The following NUP210L variants were observed in gnomAD, a reference collection of about 807,000 sequenced individuals.
The protein encoded by NUP210L is nucleoporin 210 like.
A neutral mutation model predicts 208.5 loss-of-function variants in NUP210L; 74 were observed. The observed-to-expected ratio is 0.35, with a 90% CI of 0.29 to 0.43. The LOEUF (loss-of-function observed/expected upper bound fraction) is 0.43. Ranked by LOEUF, NUP210L falls within the 20% of genes least tolerant of loss-of-function variation. The pLI is 1.00. For synonymous variants in NUP210L, 780 were observed against 816.9 expected (o/e 0.95, Z 0.77); for missense variants, 1,843 against 2,289.4 (o/e 0.81, Z 3.98).
chr1:154,136,309 G>A (rs924796042), intron 6 of NUP210L, among the ~76,000 whole-genome samples: 6 of 151,774 alleles, frequency 4.0e-5, no homozygotes, highest in East Asian at 2.0e-4. Flanking sequence ...AAAATTAGCC[G>A]GGCGTGATGG....
At chr1:154,014,517 T>A (rs1651133376) in intron 33 of NUP210L, among the ~76,000 whole-genome samples, 1 of 152,208 alleles carries the variant, frequency 6.6e-6, no homozygotes, top group African/African-American at 2.4e-5. Flanking sequence ...AAATTTTCCC[T>A]CTCTACCCTT....
At chr1:154,061,753 GCCA>G in intron 17 of NUP210L, 79 bp from the exon 18 acceptor site, 1 of 894,496 alleles carries the variant, frequency 1.1e-6, no homozygotes. Context: ...ACCACATTCT[GCCA>G]CAGTTTTTCC....
At chr1:154,010,760 C>T (rs1390683158) in intron 34 of NUP210L, among the ~76,000 whole-genome samples, 3 of 151,792 alleles carry the variant, frequency 2.0e-5, no homozygotes, top group South Asian at 4.1e-4. Context: ...ATCCCAGCTA[C>T]TCGGGAGGCT....
At chr1:154,095,181 TC>T (rs1370731328) in intron 14 of NUP210L, 25 bp from the exon 15 acceptor site, 2 of 1,533,658 alleles carry the variant, frequency 1.3e-6, no homozygotes, top group East Asian at 4.5e-5. Context: ...AGAAATTAAT[TC>T]CTGATAGGTT....
intron 27 of NUP210L, among the ~76,000 whole-genome samples, chr1:154,042,496 G>A (rs760226806): frequency 2.0e-5 from 3 of 151,814 alleles, no homozygotes; most frequent in Non-Finnish European, 2.9e-5. Flanking sequence ...GCGCAATCTC[G>A]CCTCCCTGCA....
chr1:154,009,939 A>T, intron 35 of NUP210L, 33 bp downstream of exon 35: 2 of 1,559,714 alleles, frequency 1.3e-6, no homozygotes, highest in Non-Finnish European at 1.7e-6. Flanking sequence ...GATAAACAGA[A>T]TGGGGAAACC....
At chr1:153,994,990 CGACA>C (rs1649740401) in intron 38 of NUP210L, 82 bp downstream of exon 38, 1 of 822,344 alleles carries the variant, frequency 1.2e-6, no homozygotes, top group East Asian at 2.8e-5. Context: ...CCAGCGTGGG[CGACA>C]GACTTAAACT....
At chr1:154,140,263 A>C (rs900205464) in intron 4 of NUP210L, among the ~76,000 whole-genome samples, 1 of 151,714 alleles carries the variant, frequency 6.6e-6, no homozygotes, top group Admixed American at 6.6e-5. Context: ...AGACAGGAGA[A>C]TCACTTGAAC....
intron 7 of NUP210L, among the ~76,000 whole-genome samples, chr1:154,134,734 CAAAAAAAA>C (rs67813355): frequency 5.9e-5 from 4 of 67,324 alleles, no homozygotes; most frequent in South Asian, 8.8e-4. Flanking sequence ...GACTCCGTCT[CAAAAAAAA>C]AAAAAAAAAA....
At chr1:154,038,349 T>G (rs529989535) in intron 27 of NUP210L, among the ~76,000 whole-genome samples, 1 of 150,846 alleles carries the variant, frequency 6.6e-6, no homozygotes, top group African/African-American at 2.4e-5. Context: ...TTTTTTTTTT[T>G]TTTTATTTTT....
intron 37 of NUP210L, chr1:153,995,765 C>T (rs1417803900): frequency 5.8e-6 from 4 of 688,252 alleles, no homozygotes; most frequent in African/African-American, 1.8e-5. Flanking sequence ...CCAAAATCTG[C>T]ATGTGGCATG....
exon 29 of NUP210L, chr1:154,027,553 C>G (rs1377659921): frequency 1.7e-5 from 27 of 1,613,680 alleles, no homozygotes; most frequent in Non-Finnish European, 2.2e-5. Context: ...TCAGAATCTG[C>G]TCTGGTTGGC....
rs561125783 is a variant in NUP210L at position 154,109,016 on chromosome 1, C to T, written c.1621-4806G>A. On this transcript the variant is annotated intron_variant, in intron 12 of 39. Coordinates refer to ENST00000368559, the Ensembl canonical transcript of NUP210L. ...TCGGGAGGCTGAGGCAGGAGAATTGCTTGAACCTGGGAGGCAGAGGTTACG... is the reference window on the plus strand; with the variant it reads ...TCGGGAGGCTGAGGCAGGAGAATTGTTTGAACCTGGGAGGCAGAGGTTACG... 2.6e-5 allele frequency among the ~76,000 whole-genome samples: 4 copies of T among 151,796 alleles called. No individual in the cohort carries two copies. In the South Asian group the frequency reaches 8.3e-4, roughly 31 times the overall value.
chr1:154,102,266 G>A (rs1036626453), intron 13 of NUP210L, among the ~76,000 whole-genome samples: 34 of 152,194 alleles, frequency 2.2e-4, no homozygotes, highest in African/African-American at 7.0e-4. Flanking sequence ...GGGTTATACC[G>A]TAGAGTGGTC....
At chr1:154,002,026 G>A (rs1650249619) in intron 35 of NUP210L, 41 bp from the exon 36 acceptor site, 1 of 1,599,664 alleles carries the variant, frequency 6.3e-7, no homozygotes, top group Non-Finnish European at 8.5e-7. Context: ...AAGGTTCAGA[G>A]GCTCTATTGA....
At chr1:154,042,104 CT>C (rs1316772415) in intron 27 of NUP210L, among the ~76,000 whole-genome samples, 17 of 147,200 alleles carry the variant, frequency 1.2e-4, no homozygotes, top group South Asian at 2.2e-4. Flanking sequence ...CTCTCTCTCT[CT>C]TTTTTTTTTT....
chr1:154,022,109 A>G lies in NUP210L; in HGVS notation c.4516+17T>C. Reference sequence around the variant, plus strand: ...CAACTATCAATTGTAAGTTTGAGAAAGGGAATGTATACATACCATGCTGGC... The same window carrying G: ...CAACTATCAATTGTAAGTTTGAGAAGGGGAATGTATACATACCATGCTGGC... On this transcript the variant is annotated intron_variant, in intron 32 of 39. Transcript: ENST00000368559. 6.3e-7 allele frequency: 1 copy of G among 1,581,242 alleles called. No individual in the cohort carries two copies. The highest frequency in any genetic ancestry group is 2.2e-5 in the East Asian group (1 of 44,726).
intron 10 of NUP210L, among the ~76,000 whole-genome samples, chr1:154,125,619 CTGAAAGGA>C (rs1557994533): frequency 8.8e-5 from 6 of 68,274 alleles, no homozygotes; most frequent in South Asian, 4.9e-4. Flanking sequence ...GAGGCCCTCT[CTGAAAGGA>C]AGGAAGGAAG....
At chr1:154,129,682 C>T (rs935199492) in intron 7 of NUP210L, among the ~76,000 whole-genome samples, 2 of 152,146 alleles carry the variant, frequency 1.3e-5, no homozygotes. Flanking sequence ...GGAAACAGGA[C>T]GAAGTGGCTC....
Sources: gnomAD v4.1 joint callset for allele counts (sites outside exome capture counted in the v4.1 genomes callset) on GRCh38, gnomAD v4.1.1 for gene constraint, MANE v1.5 for transcripts, NCBI Gene and HGNC (gene_info 2026-07-23, HGNC 2026-07-21) for gene names.